The following PLB1 variants were observed in gnomAD, a reference collection of about 807,000 sequenced individuals.
The protein encoded by PLB1 is phospholipase B1, membrane-associated.
A neutral mutation model predicts 227.4 loss-of-function variants in PLB1; 242 were observed. The ratio of observed to expected loss-of-function variants is 1.06; its 90% CI spans 0.96 to 1.18. PLB1 has a LOEUF of 1.18. Among genes scored for constraint, PLB1 ranks in the 50% most tolerant of loss-of-function variants. The probability of loss-of-function intolerance (pLI) is 0.00; values close to 1 mark genes in which losing one functional copy is unlikely to be tolerated. For missense variants in PLB1, 1,858 were observed against 1,816.3 expected (o/e 1.02, Z -0.42); for synonymous variants, 757 against 682.2 (o/e 1.11, Z -1.71).
intron 1 of PLB1, among the ~76,000 whole-genome samples, chr2:28,508,490 T>C (rs1667878967): frequency 6.6e-6 from 1 of 152,192 alleles, no homozygotes; most frequent in Admixed American, 6.5e-5. Context: ...GACTCATGGT[T>C]TTCTGACTCA....
At chr2:28,630,767 A>T in intron 54 of PLB1, 103 bp downstream of exon 54, 1 of 916,272 alleles carries the variant, frequency 1.1e-6, no homozygotes, top group East Asian at 2.7e-5. Context: ...AGAGCAAGCC[A>T]CTCCCTAAAA....
chr2:28,583,079 G>A (rs984051992), intron 25 of PLB1, among the ~76,000 whole-genome samples: 10 of 152,084 alleles, frequency 6.6e-5, no homozygotes, highest in Non-Finnish European at 1.3e-4. Context: ...CTGAGAGGAC[G>A]TCTTCACCCC....
intron 21 of PLB1, among the ~76,000 whole-genome samples, chr2:28,573,809 G>A (rs1028360959): frequency 2.0e-5 from 3 of 152,194 alleles, no homozygotes; most frequent in African/African-American, 7.2e-5. Flanking sequence ...GGCTGGTTAG[G>A]AACCTCTCCC....
chr2:28,582,614 G>C, intron 25 of PLB1, 109 bp downstream of exon 25: 2 of 804,134 alleles, frequency 2.5e-6, no homozygotes, highest in Non-Finnish European at 4.0e-6. Flanking sequence ...TGAAAGGGCT[G>C]TGACCACCCC....
chr2:28,557,873 G>A (rs1675378709), intron 17 of PLB1, among the ~76,000 whole-genome samples: 1 of 152,104 alleles, frequency 6.6e-6, no homozygotes, highest in Admixed American at 6.6e-5. Flanking sequence ...TCAAATCAAG[G>A]TCTACGGAAA....
rs750277257 is a variant in PLB1 at position 28,629,040 on chromosome 2, G to T, written c.3727-54G>T. 2.6e-5 allele frequency: 39 copies of T among 1,484,224 alleles called. No homozygotes were observed. The Admixed American group carries it at 3.4e-4, about 13-fold the overall frequency. 91.9% of individuals were successfully genotyped at this position (1,484,224 alleles called of 1,614,324 possible). ...GAATTGGATTGTAGATGACCCCCAG[G>T]TTCCTCCCAGCAGTAGCCAGTGCCC... On this transcript the variant is annotated intron_variant, in intron 52 of 57. Transcript: ENST00000327757.
chr2:28,629,480 C>T (rs1688297032), intron 53 of PLB1, among the ~76,000 whole-genome samples: 1 of 152,222 alleles, frequency 6.6e-6, no homozygotes, highest in Non-Finnish European at 1.5e-5. Context: ...TGGCACGCTG[C>T]TCCCTGTTGA....
At chr2:28,635,586 G>T (rs1372581883) in intron 56 of PLB1, among the ~76,000 whole-genome samples, 3 of 152,224 alleles carry the variant, frequency 2.0e-5, no homozygotes, top group Non-Finnish European at 4.4e-5. Flanking sequence ...CATAGTGTCT[G>T]CAGGCTTTGG....
intron 6 of PLB1, among the ~76,000 whole-genome samples, chr2:28,527,136 C>T (rs1162299633): frequency 1.3e-5 from 2 of 152,122 alleles, no homozygotes; most frequent in East Asian, 3.9e-4. Context: ...ATAGTTTAGA[C>T]CCTGAAGCCA....
In PLB1 at chr2:28,555,761, T is replaced by C. The variant is rs371237820; in HGVS notation, c.1147+2770T>C. On this transcript the variant is annotated intron_variant, in intron 17 of 57. Coordinates refer to ENST00000327757, the MANE Select transcript of PLB1 (RefSeq NM_153021.5). Reference sequence around the variant, plus strand: ...ACAATCCCTAGGATTGAAAAAGGTATTGAAAAATCAACTAGACCAAAATGC... The same window carrying C: ...ACAATCCCTAGGATTGAAAAAGGTACTGAAAAATCAACTAGACCAAAATGC... Among the ~76,000 whole-genome samples the C allele has an allele frequency of 1.2e-4, 18 of 152,256 alleles. 1 individual carries two copies. The highest frequency in any genetic ancestry group is 5.8e-4 in the East Asian group (3 of 5,178).
At position 28,629,224 on chromosome 2, in the gene PLB1, G is replaced by A. The variant is rs1371595560; in HGVS notation, c.3818+39G>A. 2.5e-6 allele frequency: 4 copies of A among 1,586,294 alleles called. No individual in the cohort carries two copies. In the South Asian group the frequency reaches 4.5e-5, roughly 18 times the overall value. On this transcript the variant is annotated intron_variant, in intron 53 of 57. Coordinates refer to ENST00000327757, the MANE Select transcript of PLB1 (RefSeq NM_153021.5). ...TCACCGTCCCAAGGCAAGGGCACCT[G>A]GGGTGAGGAGGGCTTGCAGGTGCCA...
intron 35 of PLB1, among the ~76,000 whole-genome samples, chr2:28,599,652 T>C (rs4305227): frequency 0.048 from 7,310 of 152,274 alleles, 570 homozygotes; most frequent in African/African-American, 0.17. Flanking sequence ...AGTCTCATTC[T>C]ATCACTCAGG....
rs558328893 is a variant in PLB1, at chr2:28,604,063, G to A, written c.2856+16G>A. On this transcript the variant is annotated intron_variant, in intron 40 of 57. Coordinates refer to ENST00000327757, the MANE Select transcript of PLB1 (RefSeq NM_153021.5). ...AGCCTACCGGGTAAGACCAAGAAGG[G>A]CACCATGCTGTGTCCTCTCCCCTAC... is the stretch of plus-strand genomic sequence containing the variant. The A allele has an allele frequency of 5.5e-5, 88 of 1,600,924 alleles. 1 individual carries two copies. The South Asian group carries it at 7.6e-4, about 14-fold the overall frequency.
At chr2:28,624,977 T>A in intron 49 of PLB1, 80 bp from the exon 50 acceptor site, 2 of 1,352,002 alleles carry the variant, frequency 1.5e-6, no homozygotes, top group South Asian at 1.2e-5. Context: ...GAAACACCTC[T>A]CTTCCTAGGC....
rs369986150 is a variant in PLB1, at chr2:28,642,843, G to A, written c.4174-15G>A. ...ACGGAGATCCTTTCCACTGACCCCC[G>A]CTCCTCCTCCACAGGAGAGCCCTTA... On this transcript the variant is annotated splice_polypyrimidine_tract_variant and intron_variant, in intron 57 of 57. Coordinates refer to ENST00000327757, the MANE Select transcript of PLB1 (RefSeq NM_153021.5). 51 of 1,570,078 alleles carry A rather than the reference G, an allele frequency of 3.2e-5. 1 individual carries two copies. The highest frequency in any genetic ancestry group is 4.6e-5 in the East Asian group (2 of 43,256).
At chr2:28,532,051 A>G in intron 8 of PLB1, 57 bp from the exon 9 acceptor site, 2 of 1,293,042 alleles carry the variant, frequency 1.5e-6, no homozygotes, top group Non-Finnish European at 2.2e-6. Flanking sequence ...CAAAGACATT[A>G]TTTTGGTTCA....
At chr2:28,577,101 TG>T (rs1386932559) in intron 21 of PLB1, among the ~76,000 whole-genome samples, 4 of 152,172 alleles carry the variant, frequency 2.6e-5, no homozygotes, top group African/African-American at 9.7e-5. Context: ...AACAACTCTG[TG>T]AAGAAGGTAT....
At chr2:28,522,027 A>G (rs1669593957) in intron 4 of PLB1, among the ~76,000 whole-genome samples, 1 of 151,916 alleles carries the variant, frequency 6.6e-6, no homozygotes, top group Admixed American at 6.6e-5. Flanking sequence ...AGTCCACTCA[A>G]TGTCCCCAGA....
At position 28,549,412 on chromosome 2, in the gene PLB1, C is replaced by CTTTTTTTTTTTTT. The variant is rs746205635; in HGVS notation, c.1008+491_1008+503dup. ...TGGACATAAATGAATGAGATTCTTTCTTTTTTTTTTTTTTTTTTTTTTGAG... is the reference window on the plus strand; with the variant it reads ...TGGACATAAATGAATGAGATTCTTTCTTTTTTTTTTTTTTTTTTTTTTTTTTTTTTTTTTTGAG... On this transcript the variant is annotated intron_variant, in intron 15 of 57. Coordinates refer to ENST00000327757, the MANE Select transcript of PLB1 (RefSeq NM_153021.5). Among the ~76,000 whole-genome samples, 149 of 87,300 alleles carry CTTTTTTTTTTTTT rather than the reference C, an allele frequency of 1.7e-3. 19 individuals carry two copies. Among genetic ancestry groups the CTTTTTTTTTTTTT allele is most frequent in the African/African-American group, 2.1e-3 (47 of 21,880 alleles). The allele number at this position is 87,300 out of a possible 152,430, so 57.3% of individuals were successfully genotyped here. A position where few individuals can be genotyped will look rare whatever the true frequency, so the allele number is the denominator to read the frequency against.
Sources: allele counts gnomAD v4.1 joint callset (sites outside exome capture counted in the v4.1 genomes callset), GRCh38; gene constraint gnomAD v4.1.1; transcripts MANE v1.5; gene names NCBI Gene and HGNC (gene_info 2026-07-23, HGNC 2026-07-21).